The following PTPRK variants were observed in gnomAD, a reference collection of about 807,000 sequenced individuals.
The protein encoded by PTPRK is protein tyrosine phosphatase receptor type K, also known as receptor-type tyrosine-protein phosphatase kappa.
In PTPRK, 75 loss-of-function variants were observed where a neutral mutation model predicts 178.0. That is an observed-to-expected ratio of 0.42 (90% CI 0.35 to 0.51). The LOEUF (loss-of-function observed/expected upper bound fraction) is 0.51, where lower values mean the gene tolerates loss of function less well. Among genes scored for constraint, PTPRK ranks in the 20% least tolerant of loss-of-function variants. The probability of loss-of-function intolerance (pLI) is 0.02; values close to 1 mark genes in which losing one functional copy is unlikely to be tolerated. For missense variants in PTPRK, 1,441 were observed against 1,797.8 expected, an observed-to-expected ratio of 0.80 and a Z score of 3.59; for synonymous variants, 637 against 620.6, an observed-to-expected ratio of 1.03 and a Z score of -0.39.
intron 7 of PTPRK, among the ~76,000 whole-genome samples, chr6:128,141,010 C>G (rs967588522): frequency 7.9e-5 from 12 of 151,818 alleles, no homozygotes; most frequent in African/African-American, 2.9e-4. Flanking sequence ...TCTAGTAAAC[C>G]TAATAACTTG....
intron 2 of PTPRK, among the ~76,000 whole-genome samples, chr6:128,354,223 T>TTA (rs1833594802): frequency 8.0e-6 from 1 of 124,690 alleles, no homozygotes; most frequent in Admixed American, 9.7e-5. Context: ...TTTTGGTTTT[T>TTA]TGTTTATGTT....
chr6:128,422,080 A>G (rs1307754588), intron 1 of PTPRK, among the ~76,000 whole-genome samples: 1 of 152,178 alleles, frequency 6.6e-6, no homozygotes, highest in Non-Finnish European at 1.5e-5. Flanking sequence ...TGTGTTGTGC[A>G]TTTTCAAAGT....
At chr6:128,023,043 G>A (rs554867961) in intron 13 of PTPRK, among the ~76,000 whole-genome samples, 1 of 152,226 alleles carries the variant, frequency 6.6e-6, no homozygotes, top group South Asian at 2.1e-4. Flanking sequence ...TAAAAATACT[G>A]AACAGTTCTC....
intron 7 of PTPRK, among the ~76,000 whole-genome samples, chr6:128,168,852 T>C (rs779393908): frequency 1.3e-5 from 2 of 151,998 alleles, no homozygotes; most frequent in African/African-American, 4.8e-5. Flanking sequence ...TGCCCATCAG[T>C]GGATAAATGG....
At chr6:128,078,740 T>C in intron 11 of PTPRK, 73 bp downstream of exon 11, 1 of 1,065,482 alleles carries the variant, frequency 9.4e-7, no homozygotes, top group East Asian at 2.4e-5. Context: ...TCTCTGGTTT[T>C]AGGCATACTT....
intron 3 of PTPRK, among the ~76,000 whole-genome samples, chr6:128,288,499 GCTTTAAGAATGCTCTA>G (rs1292142707): frequency 2.0e-5 from 3 of 152,080 alleles, no homozygotes; most frequent in African/African-American, 4.8e-5. Context: ...CCATAGTGAT[GCTTTAAGAATGCTCTA>G]CTTTAGAAGA....
intron 13 of PTPRK, among the ~76,000 whole-genome samples, chr6:128,031,367 T>A (rs966122119): frequency 9.9e-5 from 15 of 152,212 alleles, no homozygotes; most frequent in African/African-American, 3.1e-4. Flanking sequence ...CTCTGGCACT[T>A]TGCACTTTGT....
chr6:128,429,158 T>C (rs1304402746), intron 1 of PTPRK, among the ~76,000 whole-genome samples: 1 of 152,228 alleles, frequency 6.6e-6, no homozygotes, highest in Non-Finnish European at 1.5e-5. Flanking sequence ...AGCTTATGTG[T>C]GTGTCAATTT....
intron 1 of PTPRK, among the ~76,000 whole-genome samples, chr6:128,412,078 A>G (rs1842367572): frequency 6.6e-6 from 1 of 152,218 alleles, no homozygotes; most frequent in Non-Finnish European, 1.5e-5. Flanking sequence ...AAAAATTCTA[A>G]AACAATATTA....
chr6:128,317,787 G>A (rs191504205), intron 3 of PTPRK, among the ~76,000 whole-genome samples: 2 of 152,160 alleles, frequency 1.3e-5, no homozygotes, highest in African/African-American at 4.8e-5. Flanking sequence ...TTATTATCAG[G>A]GAGGAACATC....
At chr6:128,386,225 T>A (rs1838699393) in intron 2 of PTPRK, among the ~76,000 whole-genome samples, 1 of 152,216 alleles carries the variant, frequency 6.6e-6, no homozygotes, top group South Asian at 2.1e-4. Context: ...AGAATCGGCC[T>A]TTTCTTTAAC....
chr6:128,356,477 A>G (rs1386190652), intron 2 of PTPRK, among the ~76,000 whole-genome samples: 1 of 152,144 alleles, frequency 6.6e-6, no homozygotes, highest in Non-Finnish European at 1.5e-5. Flanking sequence ...ATCCTACTGT[A>G]TCTTTCCAAA....
At chr6:128,210,417 G>C (rs527284955) in intron 6 of PTPRK, among the ~76,000 whole-genome samples, 12 of 80,514 alleles carry the variant, frequency 1.5e-4, no homozygotes, top group Admixed American at 8.2e-4. Context: ...TTCTGTACTA[G>C]AAAATAATTG....
chr6:128,501,539 T>C (rs1024974118), intron 1 of PTPRK, among the ~76,000 whole-genome samples: 7 of 152,242 alleles, frequency 4.6e-5, no homozygotes, highest in Admixed American at 3.3e-4. Context: ...AGGTTTTTTG[T>C]GGGCGGAGCC....
chr6:128,379,183 CCA>C (rs1837522567), intron 2 of PTPRK, among the ~76,000 whole-genome samples: 1 of 152,056 alleles, frequency 6.6e-6, no homozygotes, highest in East Asian at 1.9e-4. Context: ...TGAACATACT[CCA>C]GTTTACTGGT....
chr6:128,348,700 G>A (rs1006410254), intron 2 of PTPRK, among the ~76,000 whole-genome samples: 3 of 151,964 alleles, frequency 2.0e-5, no homozygotes, highest in African/African-American at 7.2e-5. Context: ...TCGAATTGAA[G>A]AGAATTACTT....
At chr6:128,396,020 G>A (rs1455851537) in intron 2 of PTPRK, among the ~76,000 whole-genome samples, 1 of 151,754 alleles carries the variant, frequency 6.6e-6, no homozygotes, top group African/African-American at 2.4e-5. Flanking sequence ...TTTACTTTGT[G>A]TGCTTGTGAT....
At chr6:128,268,696 A>C (rs1352979764) in intron 3 of PTPRK, among the ~76,000 whole-genome samples, 3 of 152,056 alleles carry the variant, frequency 2.0e-5, no homozygotes, top group African/African-American at 7.2e-5. Flanking sequence ...GGCTCTAATA[A>C]AATTACTGTA....
chr6:128,236,637 G>T lies in PTPRK; in HGVS notation c.693+3398C>A, dbSNP rs541916722. The stretch of plus-strand genomic sequence containing the variant: ...GCTGGGATTACAGGCGTGAGCCACT[G>T]CGCCCGACCCTAAATTTCTTTTAGT... On this transcript the variant is annotated intron_variant, in intron 5 of 29. Coordinates refer to ENST00000368226, the MANE Select transcript of PTPRK (RefSeq NM_002844.4). 3.0e-4 allele frequency among the ~76,000 whole-genome samples: 46 copies of T among 152,158 alleles called. 1 individual carries two copies. The highest frequency in any genetic ancestry group is 1.0e-3 in the African/African-American group (42 of 41,538).
Sources: allele counts gnomAD v4.1 joint callset (sites outside exome capture counted in the v4.1 genomes callset), GRCh38; gene constraint gnomAD v4.1.1; transcripts MANE v1.5; gene names NCBI Gene and HGNC (gene_info 2026-07-23, HGNC 2026-07-21).